Variants in KSR2 observed in about 807,000 individuals in gnomAD.
KSR2 encodes kinase suppressor of ras 2.
KSR2 carries 25 observed loss-of-function variants against 107.8 expected under a neutral mutation model. That is an observed-to-expected ratio of 0.23 (90% confidence interval 0.17 to 0.32). KSR2 has a LOEUF of 0.32. KSR2 is among the 10% of genes least tolerant of loss of function. The pLI is 1.00. For synonymous variants in KSR2, 480 were observed against 507.0 expected (o/e 0.95, Z 0.71); for missense variants, 887 against 1,268.9 (o/e 0.70, Z 4.57).
chr12:117,739,608 T>C (rs1293900850), intron 4 of KSR2, among the ~76,000 whole-genome samples: 1 of 152,216 alleles, frequency 6.6e-6, no homozygotes, highest in Non-Finnish European at 1.5e-5. Flanking sequence ...CAACATTCAT[T>C]CATTCAACAA....
chr12:117,691,901 G>A (rs866814182), intron 4 of KSR2, among the ~76,000 whole-genome samples: 7 of 152,300 alleles, frequency 4.6e-5, no homozygotes, highest in Middle Eastern at 3.4e-3. Flanking sequence ...AGGTGATAGA[G>A]GATTCCCCAT....
rs750867080 is a variant in KSR2 at position 117,761,519 on chromosome 12, T to A, written c.478A>T (p.Asn160Tyr). ...ATGGTCCAGTCTTGTTTGGAAAGGT[T>A]GCCTCCTGAGTTGGAACAGAAGAGC... ...CLRNVHMSGG[N>Y]LSKQDWTIQW... The change falls in exon 4 of 20, where the codon AAC (asparagine) becomes TAC (tyrosine). Residue 160 changes from asparagine (N) to tyrosine (Y), a missense_variant. Coordinates refer to ENST00000339824, the MANE Select transcript of KSR2 (RefSeq NM_173598.6). The A allele has an allele frequency of 6.2e-7, 1 of 1,613,424 alleles. No individual in the cohort carries two copies. The highest frequency in any genetic ancestry group is 8.5e-7 in the Non-Finnish European group (1 of 1,179,804).
chr12:117,699,079 C>A (rs61249176), intron 4 of KSR2, among the ~76,000 whole-genome samples: 10,352 of 152,252 alleles, frequency 0.068, 1,186 homozygotes, highest in African/African-American at 0.24. Context: ...CGGCAATAAT[C>A]TTCATCTGAC....
intron 18 of KSR2, 95 bp from the exon 19 acceptor site, chr12:117,469,890 T>A (rs1353477540): frequency 1.6e-6 from 2 of 1,235,480 alleles, no homozygotes; most frequent in Non-Finnish European, 2.3e-6. Flanking sequence ...TCCACTCATC[T>A]GCCCCATTTC....
chr12:117,690,362 G>A (rs111864843), intron 4 of KSR2, among the ~76,000 whole-genome samples: 1,597 of 152,230 alleles, frequency 0.01, 30 homozygotes, highest in African/African-American at 0.036. Context: ...TCAAGAGTTC[G>A]AGACCAGCCT....
intron 7 of KSR2, among the ~76,000 whole-genome samples, chr12:117,567,672 A>AAT (rs1878597337): frequency 6.6e-6 from 1 of 151,678 alleles, no homozygotes; most frequent in Non-Finnish European, 1.5e-5. Context: ...AAAAAAAAAA[A>AAT]AAAAAATCAC....
chr12:117,579,120 T>TGCA lies in KSR2; in HGVS notation c.1321_1323dup (p.Cys441dup), dbSNP rs1403505773. 6.2e-7 allele frequency: 1 copy of TGCA among 1,612,376 alleles called. No homozygotes were observed. Among genetic ancestry groups the TGCA allele is most frequent in the Admixed American group, 1.7e-5 (1 of 59,946 alleles). On this transcript the variant is annotated inframe_insertion and splice_region_variant, in exon 7 of 20. Coordinates refer to ENST00000339824, the MANE Select transcript of KSR2 (RefSeq NM_173598.6). ...TCACTGCAGGGCACAGTCACTTACT[T>TGCA]GCAGTTTTTACACTTGAGGCCAAAA...
chr12:117,754,557 G>C (rs1205892189), intron 4 of KSR2, among the ~76,000 whole-genome samples: 1 of 152,078 alleles, frequency 6.6e-6, no homozygotes, highest in Non-Finnish European at 1.5e-5. Flanking sequence ...AGAATCGCTT[G>C]TACCCAGGAG....
chr12:117,934,558 C>T (rs560679220), intron 1 of KSR2, among the ~76,000 whole-genome samples: 36 of 152,294 alleles, frequency 2.4e-4, no homozygotes, highest in Admixed American at 5.9e-4. Flanking sequence ...CACGCTGAAG[C>T]CAGTGCTACC....
intron 3 of KSR2, among the ~76,000 whole-genome samples, chr12:117,830,828 C>G (rs6490159): frequency 6.6e-6 from 1 of 152,078 alleles, no homozygotes; most frequent in African/African-American, 2.4e-5. Flanking sequence ...TACTATTATT[C>G]TTACTAATAC....
intron 3 of KSR2, among the ~76,000 whole-genome samples, chr12:117,817,508 G>A (rs1169977484): frequency 3.3e-5 from 5 of 152,062 alleles, no homozygotes; most frequent in Non-Finnish European, 5.9e-5. Flanking sequence ...CATTTCGGCT[G>A]GTAACAAGTT....
intron 1 of KSR2, among the ~76,000 whole-genome samples, chr12:117,961,352 T>C (rs2137607464): frequency 6.6e-6 from 1 of 152,226 alleles, no homozygotes; most frequent in African/African-American, 2.4e-5. Flanking sequence ...CCTTGGACTG[T>C]TTAGCGAACA....
At chr12:117,710,707 G>A (rs1886734830) in intron 4 of KSR2, among the ~76,000 whole-genome samples, 1 of 152,114 alleles carries the variant, frequency 6.6e-6, no homozygotes, top group African/African-American at 2.4e-5. Flanking sequence ...GCTATATAAA[G>A]CTTTTAGCTC....
At chr12:117,713,249 ATGAT>A (rs1426437866) in intron 4 of KSR2, among the ~76,000 whole-genome samples, 1 of 151,872 alleles carries the variant, frequency 6.6e-6, no homozygotes, top group Non-Finnish European at 1.5e-5. Context: ...AAGTAGACAG[ATGAT>A]TGATAGATAC....
chr12:117,876,135 T>TC (rs1223155689), intron 1 of KSR2, among the ~76,000 whole-genome samples: 12 of 152,124 alleles, frequency 7.9e-5, no homozygotes, highest in Non-Finnish European at 2.9e-5. Context: ...GGTAATGAAA[T>TC]CGCGGCAGCC....
At chr12:117,861,688 G>A (rs983854645) in intron 1 of KSR2, among the ~76,000 whole-genome samples, 3 of 151,746 alleles carry the variant, frequency 2.0e-5, no homozygotes, top group East Asian at 1.9e-4. Context: ...GCGCCCAGCC[G>A]AGGACTCCCA....
At chr12:117,626,144 C>A (rs1593065720) in intron 5 of KSR2, among the ~76,000 whole-genome samples, 1 of 152,036 alleles carries the variant, frequency 6.6e-6, no homozygotes, top group East Asian at 1.9e-4. Flanking sequence ...TTGATCTTTT[C>A]AAAAAACCAG....
At chr12:117,899,348 C>T (rs1894611632) in intron 1 of KSR2, among the ~76,000 whole-genome samples, 1 of 151,918 alleles carries the variant, frequency 6.6e-6, no homozygotes, top group Non-Finnish European at 1.5e-5. Flanking sequence ...AAAAAATTAG[C>T]CAGGCGTGGT....
At chr12:117,733,908 G>A (rs1302237749) in intron 4 of KSR2, among the ~76,000 whole-genome samples, 1 of 152,178 alleles carries the variant, frequency 6.6e-6, no homozygotes, top group Non-Finnish European at 1.5e-5. Flanking sequence ...AACAAATGAA[G>A]GAGTCTTTGA....
Sources: gnomAD v4.1 joint callset for allele counts (sites outside exome capture counted in the v4.1 genomes callset) on GRCh38, gnomAD v4.1.1 for gene constraint, MANE v1.5 for transcripts, NCBI Gene and HGNC (gene_info 2026-07-23, HGNC 2026-07-21) for gene names.